Variants in ZNF331 observed in about 807,000 individuals in gnomAD.
ZNF331 encodes C2H2-like zinc finger protein rearranged in thyroid adenomas.
In ZNF331, 2 loss-of-function variants were observed where a neutral mutation model predicts 7.0. The observed-to-expected ratio is 0.29, with a 90% CI of 0.12 to 0.90. The LOEUF (loss-of-function observed/expected upper bound fraction) is 0.90. Among genes scored for constraint, ZNF331 ranks in the 40% least tolerant of loss-of-function variants. The pLI, the probability that ZNF331 is intolerant of heterozygous loss-of-function variation, is 0.58. For missense variants in ZNF331, 432 were observed against 587.7 expected, an observed-to-expected ratio of 0.74 and a Z score of 2.74; for synonymous variants, 196 against 205.4, an observed-to-expected ratio of 0.95 and a Z score of 0.39.
intron 2 of ZNF331, among the ~76,000 whole-genome samples, chr19:53,527,113 C>T (rs765154858): frequency 7.9e-5 from 12 of 151,696 alleles, no homozygotes; most frequent in East Asian, 2.0e-4. Flanking sequence ...CACTTGAACC[C>T]GGGAGTTGGA....
At chr19:53,561,400 G>A (rs1291069480) in intron 3 of ZNF331, among the ~76,000 whole-genome samples, 6 of 149,078 alleles carry the variant, frequency 4.0e-5, no homozygotes, top group Admixed American at 6.7e-5. Context: ...TAAATTACCC[G>A]TAATTGTGCG....
In ZNF331 at chr19:53,558,415, A is replaced by G. The variant is rs73587708; in HGVS notation, c.-74+2507A>G. Among the ~76,000 whole-genome samples, 379 of 152,228 alleles carry G rather than the reference A, an allele frequency of 2.5e-3. 1 individual carries two copies. The highest frequency in any genetic ancestry group is 8.6e-3 in the African/African-American group (359 of 41,514). ...GCAGCCACCTCCTGTTCAGCTGTCCAGAAGCTCTCCTCACCCTGTCTTCTT... is the reference window on the plus strand; with the variant it reads ...GCAGCCACCTCCTGTTCAGCTGTCCGGAAGCTCTCCTCACCCTGTCTTCTT... On this transcript the variant is annotated intron_variant, in intron 3 of 5. Coordinates refer to ENST00000449416, the MANE Select transcript of ZNF331 (RefSeq NM_001079906.2). The surrounding 1 kb of genome is among the most constrained non-coding windows in gnomAD (Gnocchi z 4.5).
chr19:53,528,976 G>A (rs1305280068), intron 2 of ZNF331, among the ~76,000 whole-genome samples: 1 of 151,970 alleles, frequency 6.6e-6, no homozygotes, highest in Non-Finnish European at 1.5e-5. Flanking sequence ...TAGTAGAGAC[G>A]AGGTTTCACA....
chr19:53,553,791 G>T (rs1273008782), intron 2 of ZNF331, among the ~76,000 whole-genome samples: 1 of 152,238 alleles, frequency 6.6e-6, no homozygotes, highest in South Asian at 2.1e-4. Context: ...CTCCAGAGGG[G>T]CTAGGAGAGG....
At chr19:53,557,159 T>C (rs1373897207) in intron 3 of ZNF331, among the ~76,000 whole-genome samples, 1 of 151,880 alleles carries the variant, frequency 6.6e-6, no homozygotes, top group East Asian at 1.9e-4. Flanking sequence ...GGTCTTGCCA[T>C]GTTGCCCAGG....
intron 1 of ZNF331, chr19:53,538,981 G>C (rs79422032): frequency 0.073 from 11,091 of 152,326 alleles, 537 homozygotes; most frequent in Non-Finnish European, 0.11. Flanking sequence ...GAAGTGCTGT[G>C]CATGCAGGCC....
upstream of ZNF331, among the ~76,000 whole-genome samples, chr19:53,515,567 G>A (rs567560244): frequency 1.3e-5 from 2 of 152,240 alleles, no homozygotes; most frequent in Admixed American, 6.5e-5. Flanking sequence ...GCGCGATCTC[G>A]GCTCATTGCA....
chr19:53,536,997 T>C (rs936794904), upstream of ZNF331, among the ~76,000 whole-genome samples: 3 of 152,174 alleles, frequency 2.0e-5, no homozygotes, highest in African/African-American at 7.2e-5. Context: ...GTTGTGGTAT[T>C]ATATACTACA....
At chr19:53,564,213 A>T (rs2090048243) in intron 3 of ZNF331, among the ~76,000 whole-genome samples, 1 of 151,424 alleles carries the variant, frequency 6.6e-6, no homozygotes, top group Admixed American at 6.6e-5. Flanking sequence ...GGGCCAGTTC[A>T]TCCAAGCCTG....
chr19:53,561,784 T>C (rs2089900244), intron 3 of ZNF331, among the ~76,000 whole-genome samples: 1 of 152,014 alleles, frequency 6.6e-6, no homozygotes, highest in Non-Finnish European at 1.5e-5. Context: ...GCCCAAGAGG[T>C]TAAGGCTGCA....
intron 1 of ZNF331, chr19:53,538,980 T>C (rs1409998773): frequency 6.6e-6 from 1 of 152,214 alleles, no homozygotes; most frequent in Non-Finnish European, 1.5e-5. Context: ...AGAAGTGCTG[T>C]GCATGCAGGC....
At position 53,533,070 on chromosome 19, in the gene ZNF331, C is replaced by T. The variant is rs1001545533; in HGVS notation, c.-204-6146C>T. 4.2e-5 allele frequency among the ~76,000 whole-genome samples: 6 copies of T among 142,226 alleles called. No homozygotes were observed. In the East Asian group the frequency reaches 9.6e-4, roughly 23 times the overall value. The allele number at this position is 142,226 out of a possible 152,430, so 93.3% of individuals were successfully genotyped here. A position where few individuals can be genotyped will look rare whatever the true frequency, so the allele number is the denominator to read the frequency against. ...ACTATGAGTGTCATTTGTTCTTTTTCGAGTTCCTTGAGAAGTAATGTTTGT... is the reference window on the plus strand; with the variant it reads ...ACTATGAGTGTCATTTGTTCTTTTTTGAGTTCCTTGAGAAGTAATGTTTGT... On this transcript the variant is annotated intron_variant, in intron 2 of 6. Transcript: ENST00000253144.
At chr19:53,513,177 A>G in the ZNF331 span, among the ~76,000 whole-genome samples, 27,481 of 134,404 alleles carry the variant, frequency 0.2, 1,245 homozygotes, top group African/African-American at 0.25. Flanking sequence ...CCGCTGAGAA[A>G]TCTGTCTGTC....
intron 3 of ZNF331, among the ~76,000 whole-genome samples, chr19:53,565,032 C>G (rs2090088419): frequency 6.6e-6 from 1 of 152,142 alleles, no homozygotes; most frequent in Admixed American, 6.5e-5. Context: ...AATTTTTAGT[C>G]AAAATTAGAC....
At chr19:53,548,090 C>T (rs1029283236) in intron 2 of ZNF331, among the ~76,000 whole-genome samples, 11 of 151,726 alleles carry the variant, frequency 7.2e-5, no homozygotes, top group Non-Finnish European at 1.5e-4. Flanking sequence ...CCATCATGCC[C>T]GGCTAATTTT....
chr19:53,518,960 T>C (rs892510638), upstream of ZNF331, among the ~76,000 whole-genome samples: 1 of 152,270 alleles, frequency 6.6e-6, no homozygotes, highest in Non-Finnish European at 1.5e-5. Flanking sequence ...TGTGCTTGTT[T>C]ATATCCTTAT....
At chr19:53,550,506 T>G (rs1351431567) in intron 2 of ZNF331, among the ~76,000 whole-genome samples, 2 of 151,734 alleles carry the variant, frequency 1.3e-5, no homozygotes, top group Non-Finnish European at 2.9e-5. Flanking sequence ...TCTTTACAGT[T>G]TTTGATTTAA....
intron 2 of ZNF331, among the ~76,000 whole-genome samples, chr19:53,529,969 T>G (rs913226467): frequency 6.6e-6 from 1 of 152,154 alleles, no homozygotes; most frequent in East Asian, 1.9e-4. Flanking sequence ...AAGAAATCCC[T>G]GAGACTGGGT....
chr19:53,550,843 C>CT (rs752603959), intron 2 of ZNF331, among the ~76,000 whole-genome samples: 48,208 of 129,380 alleles, frequency 0.37, 9,455 homozygotes, highest in African/African-American at 0.54. Flanking sequence ...GGCCGTTAAT[C>CT]TTTTTTTTTT....
Sources: gnomAD v4.1 joint callset for allele counts (sites outside exome capture counted in the v4.1 genomes callset) on GRCh38, gnomAD v4.1.1 for gene constraint, Gnocchi (gnomAD v3.1) non-coding constraint, MANE v1.5 for transcripts, NCBI Gene and HGNC (gene_info 2026-07-23, HGNC 2026-07-21) for gene names.